The following EHD4 variants were observed in gnomAD, a reference collection of about 807,000 sequenced individuals.
EHD4 encodes the protein EH domain-containing protein 4.
A neutral mutation model predicts 51.0 loss-of-function variants in EHD4; 37 were observed. That is an observed-to-expected ratio of 0.73 (90% CI 0.56 to 0.95). EHD4 has a LOEUF of 0.95. Ranked by LOEUF, EHD4 falls within the 40% of genes least tolerant of loss-of-function variation. The pLI, the probability that EHD4 is intolerant of heterozygous loss-of-function variation, is 0.00. For synonymous variants in EHD4, 297 were observed against 317.3 expected, an observed-to-expected ratio of 0.94 and a Z score of 0.68; for missense variants, 632 against 733.1, an observed-to-expected ratio of 0.86 and a Z score of 1.59.
rs140374563 is a variant in EHD4, at chr15:41,917,377, C to T, written c.924+1833G>A. On this transcript the variant is annotated intron_variant, in intron 4 of 5. Coordinates refer to ENST00000220325, the MANE Select transcript of EHD4 (RefSeq NM_139265.4). ...TTTGTGATCCACCCGCCTCCGACTCCCAAAGTGCTGGGATTACAGGCGTAA... is the reference window on the plus strand; with the variant it reads ...TTTGTGATCCACCCGCCTCCGACTCTCAAAGTGCTGGGATTACAGGCGTAA... Among the ~76,000 whole-genome samples, 10 of 152,274 alleles carry T rather than the reference C, an allele frequency of 6.6e-5. No individual in the cohort carries two copies. The East Asian group carries it at 1.9e-3, about 29-fold the overall frequency.
rs546728251 is a variant in EHD4 at position 41,933,130 on chromosome 15, T to C, written c.511+9937A>G. ...CAGCCTCCTCCAGGGCCCACAGGAG[T>C]GTGCCTGCATCTCCCCACCTCCCTC... is the stretch of plus-strand genomic sequence containing the variant. On this transcript the variant is annotated intron_variant, in intron 3 of 5. Coordinates refer to ENST00000220325, the MANE Select transcript of EHD4 (RefSeq NM_139265.4). Among the ~76,000 whole-genome samples, 45 of 152,230 alleles carry C rather than the reference T, an allele frequency of 3.0e-4. No individual in the cohort carries two copies. The South Asian group carries it at 4.8e-3, about 16-fold the overall frequency.
intron 3 of EHD4, among the ~76,000 whole-genome samples, chr15:41,939,045 T>C (rs1006846236): frequency 2.0e-5 from 3 of 152,224 alleles, no homozygotes; most frequent in Non-Finnish European, 4.4e-5. Context: ...GAAAATGCTA[T>C]GCGTGTGGAT....
chr15:41,958,846 A>C (rs2067905365), intron 1 of EHD4, among the ~76,000 whole-genome samples: 2 of 152,174 alleles, frequency 1.3e-5, no homozygotes, highest in Admixed American at 6.5e-5. Context: ...CCTATTTTAC[A>C]GATGAGGAAA....
At chr15:41,930,240 T>TC (rs147542458) in intron 3 of EHD4, among the ~76,000 whole-genome samples, 10,092 of 152,220 alleles carry the variant, frequency 0.066, 1,162 homozygotes, top group African/African-American at 0.23. Context: ...GATCCAGGAA[T>TC]CCCGTGTCAC....
At chr15:41,907,864 GTGTGTGTA>G (rs748988980) in intron 5 of EHD4, among the ~76,000 whole-genome samples, 70 of 118,592 alleles carry the variant, frequency 5.9e-4, no homozygotes, top group African/African-American at 2.6e-3. Flanking sequence ...GTGTGTGTGT[GTGTGTGTA>G]TATATTTATT....
intron 2 of EHD4, among the ~76,000 whole-genome samples, chr15:41,947,100 G>A (rs779334696): frequency 2.6e-5 from 4 of 152,186 alleles, no homozygotes; most frequent in Non-Finnish European, 4.4e-5. Flanking sequence ...GAGAAGTGAT[G>A]GAGCTGGGAC....
chr15:41,943,309 A>T (rs1022653578), intron 2 of EHD4, 145 bp from the exon 3 acceptor site: 35 of 605,728 alleles, frequency 5.8e-5, no homozygotes, highest in Non-Finnish European at 9.2e-5. Context: ...ATGCCTAATG[A>T]AGTTGTTTGT....
At chr15:41,918,129 C>T (rs1423432114) in intron 4 of EHD4, among the ~76,000 whole-genome samples, 1 of 152,126 alleles carries the variant, frequency 6.6e-6, no homozygotes, top group East Asian at 1.9e-4. Context: ...CTCCCTGCCT[C>T]CTGGCCAGGC....
At position 41,897,407 on chromosome 15, in the gene EHD4, C is replaced by G. The variant is rs774665128; in HGVS notation, c.*3238G>C. On this transcript the variant is annotated 3_prime_UTR_variant, in exon 6 of 6. Coordinates refer to ENST00000220325, the MANE Select transcript of EHD4 (RefSeq NM_139265.4). The stretch of plus-strand genomic sequence containing the variant: ...ATCCAAAGATGCTCTTGCTGCAGCA[C>G]GACAAGTGTTCAAAAGAGAACCAGG... 2 of 152,238 alleles carry G rather than the reference C, an allele frequency of 1.3e-5. No individual in the cohort carries two copies. Among genetic ancestry groups the G allele is most frequent in the Admixed American group, 1.3e-4 (2 of 15,264 alleles). 9.4% of individuals were successfully genotyped at this position (152,238 alleles called of 1,614,324 possible). A position where few individuals can be genotyped will look rare whatever the true frequency, so the allele number is the denominator to read the frequency against.
Position 41,972,420 on chromosome 15 carries a change from C to T in EHD4, c.75G>A (p.Thr25=), listed in dbSNP as rs755530312. 6.2e-7 allele frequency: 1 copy of T among 1,607,884 alleles called. No homozygotes were observed. Among genetic ancestry groups the T allele is most frequent in the Admixed American group, 1.7e-5 (1 of 59,672 alleles). ...GCAGGTAGAGCGAGCGCAGCCCGCC[C>T]GTCACCGTCTGCACCGCGTCCGCGC... ...AGGADAVQTV[T]GGLRSLYLRK... The change falls in exon 1 of 6, where the codon ACG becomes ACA. Residue 25 remains threonine, a synonymous_variant. Coordinates refer to ENST00000220325, the MANE Select transcript of EHD4 (RefSeq NM_139265.4).
intron 2 of EHD4, among the ~76,000 whole-genome samples, chr15:41,949,848 C>T (rs987637224): frequency 1.3e-5 from 2 of 152,154 alleles, no homozygotes; most frequent in Admixed American, 6.5e-5. Flanking sequence ...AAGCAGACTG[C>T]AAGGGGAAAT....
intron 5 of EHD4, among the ~76,000 whole-genome samples, chr15:41,907,209 C>T (rs908038637): frequency 3.3e-5 from 5 of 152,216 alleles, no homozygotes; most frequent in Admixed American, 1.3e-4. Context: ...AGGAAGCCAG[C>T]GAGGCACAGA....
intron 3 of EHD4, among the ~76,000 whole-genome samples, chr15:41,941,151 C>T (rs1407547416): frequency 6.6e-6 from 1 of 152,120 alleles, no homozygotes; most frequent in Non-Finnish European, 1.5e-5. Flanking sequence ...GGTGTAAAGA[C>T]ACACATAAAA....
chr15:41,969,921 T>C (rs553596716), intron 1 of EHD4, among the ~76,000 whole-genome samples: 25 of 152,304 alleles, frequency 1.6e-4, no homozygotes, highest in African/African-American at 5.5e-4. Context: ...TCTATGGCTA[T>C]GTAGATTAGG....
intron 1 of EHD4, among the ~76,000 whole-genome samples, chr15:41,956,311 C>G (rs1191543849): frequency 6.7e-6 from 1 of 150,100 alleles, no homozygotes; most frequent in Non-Finnish European, 1.5e-5. Flanking sequence ...CTTCACCAAG[C>G]CTGGCCAGGA....
Position 41,900,863 on chromosome 15 carries a change from C to T in EHD4, c.1408G>A (p.Ala470Thr), listed in dbSNP as rs755305826. Reference protein sequence around the residue: ...PINGKISGVNAKKEMVTSKLP... With the variant: ...PINGKISGVNTKKEMVTSKLP... The stretch of plus-strand genomic sequence containing the variant: ...TTGGAGGTCACCATCTCCTTCTTGG[C>T]GTTGACACCTGATATCTTGCCATTG... Residue 470 changes from alanine (A) to threonine (T), a missense_variant, in exon 6 of 6, where the codon GCC becomes ACC. Ala to Thr is a moderately conservative substitution (Grantham distance 58). Transcript: ENST00000220325. The surrounding 1 kb of genome is among the most constrained non-coding windows in gnomAD (Gnocchi z 4.8). 19 of 1,614,030 alleles carry T rather than the reference C, an allele frequency of 1.2e-5. No individual in the cohort carries two copies. Among genetic ancestry groups the T allele is most frequent in the South Asian group, 4.4e-5 (4 of 91,084 alleles).
intron 2 of EHD4, among the ~76,000 whole-genome samples, chr15:41,943,626 TG>T (rs1247272370): frequency 2.0e-5 from 3 of 152,216 alleles, no homozygotes; most frequent in Non-Finnish European, 2.9e-5. Context: ...TCCAAAGCCA[TG>T]GGCCTCACCT....
chr15:41,931,070 C>T (rs1255440198), intron 3 of EHD4, among the ~76,000 whole-genome samples: 1 of 152,194 alleles, frequency 6.6e-6, no homozygotes, highest in Admixed American at 6.5e-5. Context: ...GACCGCCGCT[C>T]CTTTTGATTC....
intron 3 of EHD4, among the ~76,000 whole-genome samples, chr15:41,941,210 T>C (rs1253554620): frequency 1.3e-5 from 2 of 152,176 alleles, no homozygotes; most frequent in Admixed American, 6.5e-5. Flanking sequence ...TGATTAACCA[T>C]CATGATGTCC....
Sources: allele counts gnomAD v4.1 joint callset (sites outside exome capture counted in the v4.1 genomes callset), GRCh38; gene constraint gnomAD v4.1.1; non-coding constraint Gnocchi (gnomAD v3.1); transcripts MANE v1.5; gene names NCBI Gene and HGNC (gene_info 2026-07-23, HGNC 2026-07-21).